The following IL17B variants were observed in gnomAD, a reference collection of about 807,000 sequenced individuals.
IL17B encodes interleukin 17B, also known as interleukin-17B.
Under a neutral mutation model 14.7 loss-of-function variants are expected in IL17B, and 14 were observed. That is an observed-to-expected ratio of 0.95 (90% CI 0.63 to 1.49). The LOEUF is 1.49. Among genes scored for constraint, IL17B ranks in the 40% most tolerant of loss-of-function variants. The probability of loss-of-function intolerance (pLI) is 0.00; values close to 1 mark genes in which losing one functional copy is unlikely to be tolerated. For missense variants in IL17B, 233 were observed against 252.8 expected, an observed-to-expected ratio of 0.92 and a Z score of 0.53; for synonymous variants, 105 against 94.8, an observed-to-expected ratio of 1.11 and a Z score of -0.62.
chr5:149,385,873 G>A (rs1054764280), intron 1 of IL17B, among the ~76,000 whole-genome samples: 7 of 152,198 alleles, frequency 4.6e-5, no homozygotes, highest in South Asian at 2.1e-4. Flanking sequence ...CCCCAGAGCC[G>A]CTCCTGGCAG....
At chr5:149,384,847 G>A (rs1198555488) in intron 1 of IL17B, among the ~76,000 whole-genome samples, 1 of 151,924 alleles carries the variant, frequency 6.6e-6, no homozygotes, top group Non-Finnish European at 1.5e-5. Context: ...ACACTAGCCA[G>A]GAGATTCTAG....
At chr5:149,386,196 A>G (rs928211769) in intron 1 of IL17B, among the ~76,000 whole-genome samples, 4 of 151,982 alleles carry the variant, frequency 2.6e-5, no homozygotes, top group Non-Finnish European at 5.9e-5. Context: ...GTGTTTTGTT[A>G]TTGTTTTAAG....
intron 2 of IL17B, among the ~76,000 whole-genome samples, chr5:149,375,864 G>C (rs552911918): frequency 2.6e-5 from 4 of 152,334 alleles, no homozygotes; most frequent in African/African-American, 9.6e-5. Flanking sequence ...GGGTAACAGA[G>C]TGAGACCCTG....
At chr5:149,389,753 C>A (rs1758900571) in intron 1 of IL17B, among the ~76,000 whole-genome samples, 1 of 152,224 alleles carries the variant, frequency 6.6e-6, no homozygotes, top group Non-Finnish European at 1.5e-5. Context: ...GGTCACAAAT[C>A]CTCTGGATCA....
In IL17B at chr5:149,374,608, G is replaced by A. The variant is rs774447320; in HGVS notation, c.312-8C>T. The A allele has an allele frequency of 2.5e-6, 4 of 1,603,640 alleles. No individual in the cohort carries two copies. Among genetic ancestry groups the A allele is most frequent in the Non-Finnish European group, 3.4e-6 (4 of 1,172,386 alleles). On this transcript the variant is annotated splice_region_variant and splice_polypyrimidine_tract_variant and intron_variant, in intron 2 of 2. Transcript: ENST00000261796. This position sits in a 1 kb window ranked among gnomAD's most constrained non-coding sequence, Gnocchi z 5.0. ...CTGGGGTCGTGGTTGATGCTGCAGG[G>A]AGCAGAAGAAAGAGCAGAGCGGAAG...
At chr5:149,391,546 C>T (rs1281410969) in intron 1 of IL17B, among the ~76,000 whole-genome samples, 1 of 152,180 alleles carries the variant, frequency 6.6e-6, no homozygotes, top group Admixed American at 6.5e-5. Flanking sequence ...TAAATTAGTC[C>T]TTGGCACAGC....
Position 149,374,492 on chromosome 5 carries a change from G to T in IL17B, c.420C>A (p.Ser140Arg). The T allele has an allele frequency of 6.2e-7, 1 of 1,613,050 alleles. No homozygotes were observed. The highest frequency in any genetic ancestry group is 1.1e-5 in the South Asian group (1 of 91,080). Residue 140 changes from serine to arginine, a missense_variant, in exon 3 of 3, where the codon AGC (serine) becomes AGA (arginine). Coordinates refer to ENST00000261796, the MANE Select transcript of IL17B (RefSeq NM_014443.3). The surrounding 1 kb of genome is among the most constrained non-coding windows in gnomAD (Gnocchi z 5.0). ...CAGGAACCTGGCTGAACACCGGCAC[G>T]CTCACCATGCTGCGGTCCTCCTGCA... is the stretch of plus-strand genomic sequence containing the variant. ...FTMQEDRSMV[S>R]VPVFSQVPVR...
intron 1 of IL17B, among the ~76,000 whole-genome samples, chr5:149,399,886 TC>T (rs1484272479): frequency 6.6e-6 from 1 of 152,160 alleles, no homozygotes; most frequent in Non-Finnish European, 1.5e-5. Flanking sequence ...TGGTGCTGCA[TC>T]CATTCCAACC....
chr5:149,401,813 G>A (rs1019793077), intron 1 of IL17B, among the ~76,000 whole-genome samples: 7 of 152,060 alleles, frequency 4.6e-5, no homozygotes, highest in Admixed American at 3.9e-4. Flanking sequence ...TGAAAATCAA[G>A]ACAAAAATCA....
chr5:149,377,552 G>A (rs531592833), intron 1 of IL17B, among the ~76,000 whole-genome samples: 6 of 152,352 alleles, frequency 3.9e-5, no homozygotes, highest in African/African-American at 1.4e-4. Context: ...CTGAGTAAAT[G>A]AATGGCTGTC....
At chr5:149,375,327 C>T (rs530319555) in intron 2 of IL17B, among the ~76,000 whole-genome samples, 1 of 152,186 alleles carries the variant, frequency 6.6e-6, no homozygotes. Context: ...TTTTCTGCAC[C>T]TCGGTTTCCC....
intron 1 of IL17B, among the ~76,000 whole-genome samples, chr5:149,378,460 C>G (rs577617961): frequency 2.0e-5 from 3 of 152,218 alleles, no homozygotes; most frequent in African/African-American, 7.2e-5. Flanking sequence ...AGAGAAGGGA[C>G]AGTGCCTGCG....
At chr5:149,392,262 CT>C (rs1339401678) in intron 1 of IL17B, among the ~76,000 whole-genome samples, 5 of 152,214 alleles carry the variant, frequency 3.3e-5, no homozygotes. Flanking sequence ...TTACTTCTAT[CT>C]TTTCTAATTT....
intron 1 of IL17B, among the ~76,000 whole-genome samples, chr5:149,378,006 T>C (rs1758591350): frequency 6.6e-6 from 1 of 151,804 alleles, no homozygotes; most frequent in Admixed American, 6.6e-5. Flanking sequence ...TAGCCGGGTG[T>C]GGTGGCGGGT....
At chr5:149,377,987 CA>C (rs1374338305) in intron 1 of IL17B, among the ~76,000 whole-genome samples, 1 of 151,966 alleles carries the variant, frequency 6.6e-6, no homozygotes, top group South Asian at 2.1e-4. Context: ...ACTAAAAATA[CA>C]AAAAAATTAG....
chr5:149,401,068 C>T (rs969721612), intron 1 of IL17B, among the ~76,000 whole-genome samples: 6 of 152,216 alleles, frequency 3.9e-5, no homozygotes, highest in Admixed American at 3.3e-4. Context: ...ATCCCATAGC[C>T]CAATCAAATT....
At chr5:149,381,174 A>G (rs1758686880), upstream of IL17B, among the ~76,000 whole-genome samples, 1 of 152,108 alleles carries the variant, frequency 6.6e-6, no homozygotes, top group Non-Finnish European at 1.5e-5. Flanking sequence ...CCCTGAAACC[A>G]ACACATTCTC....
chr5:149,404,184 A>C (rs540587050), exon 1 of IL17B: 3 of 152,326 alleles, frequency 2.0e-5, no homozygotes, highest in African/African-American at 7.2e-5. Flanking sequence ...TGGAAAGAAA[A>C]GCCACTTCAC....
At chr5:149,380,147 G>T (rs757002118), upstream of IL17B, among the ~76,000 whole-genome samples, 5 of 152,110 alleles carry the variant, frequency 3.3e-5, no homozygotes, top group Non-Finnish European at 7.4e-5. Flanking sequence ...AAAATGGTGG[G>T]TGTATCCAGA....
Sources: allele counts gnomAD v4.1 joint callset (sites outside exome capture counted in the v4.1 genomes callset), GRCh38; gene constraint gnomAD v4.1.1; non-coding constraint Gnocchi (gnomAD v3.1); transcripts MANE v1.5; gene names NCBI Gene and HGNC (gene_info 2026-07-23, HGNC 2026-07-21).